The following CSMD1 variants were observed in gnomAD, a reference collection of about 807,000 sequenced individuals.
CSMD1 encodes CUB and sushi domain-containing protein 1.
CSMD1 carries 213 observed loss-of-function variants against 417.5 expected under a neutral mutation model. The ratio of observed to expected loss-of-function variants is 0.51; its 90% CI spans 0.46 to 0.57. The LOEUF is 0.57. CSMD1 is among the 20% of genes least tolerant of loss of function. The pLI is 0.00. For synonymous variants in CSMD1, 2,862 were observed against 1,736.8 expected, an observed-to-expected ratio of 1.65 and a Z score of -16.11; for missense variants, 6,923 against 4,529.7, an observed-to-expected ratio of 1.53 and a Z score of -15.17.
chr8:3,640,550 T>C (rs1563224359), intron 7 of CSMD1, among the ~76,000 whole-genome samples: 1 of 152,226 alleles, frequency 6.6e-6, no homozygotes, highest in Non-Finnish European at 1.5e-5. Flanking sequence ...CTCATTTTTT[T>C]CCACTGGATT....
intron 7 of CSMD1, among the ~76,000 whole-genome samples, chr8:3,697,605 C>T (rs1800626084): frequency 6.6e-6 from 1 of 152,012 alleles, no homozygotes; most frequent in African/African-American, 2.4e-5. Context: ...AGCAGTTCCC[C>T]CTTCTGACTG....
At chr8:4,203,685 G>C (rs979077781) in intron 3 of CSMD1, among the ~76,000 whole-genome samples, 1 of 151,564 alleles carries the variant, frequency 6.6e-6, no homozygotes, top group Non-Finnish European at 1.5e-5. Context: ...TTGTAAGTAG[G>C]GATCACACAC....
chr8:3,658,746 G>C (rs990465213), intron 7 of CSMD1, among the ~76,000 whole-genome samples: 1 of 152,108 alleles, frequency 6.6e-6, no homozygotes, highest in Admixed American at 6.5e-5. Flanking sequence ...TCGTGCCACT[G>C]AACTTCAGCC....
chr8:3,449,589 C>A (rs1364070759), intron 12 of CSMD1, among the ~76,000 whole-genome samples: 1 of 151,964 alleles, frequency 6.6e-6, no homozygotes, highest in East Asian at 1.9e-4. Flanking sequence ...ACAATATTGG[C>A]TCACTGCAAA....
chr8:4,941,766 T>C (rs1474613290), intron 1 of CSMD1, among the ~76,000 whole-genome samples: 2 of 152,046 alleles, frequency 1.3e-5, no homozygotes, highest in Non-Finnish European at 2.9e-5. Flanking sequence ...GCCCGACTGA[T>C]TTTCAATTCT....
intron 26 of CSMD1, among the ~76,000 whole-genome samples, chr8:3,271,965 T>A (rs908951739): frequency 6.6e-6 from 1 of 152,144 alleles, no homozygotes; most frequent in South Asian, 2.1e-4. Context: ...TTGGCTTTTG[T>A]TGCCTTTGCT....
In CSMD1 at chr8:4,420,059, C is replaced by A. The variant is rs747921329; in HGVS notation, c.309G>T (p.Ser103=). ...CTATAGAGGAGGGCAGCTGAAATCC[C>A]GATAATCTAAATTTAAAAGACAAGA... The part of the protein sequence containing the change: ...PQQGNLKVRL[S]GFQLPSSIVS... The change falls in exon 3 of 70, where the codon TCG becomes TCT. Residue 103 remains serine (S), a synonymous_variant. Transcript: ENST00000635120. 9.0e-6 allele frequency: 14 copies of A among 1,555,576 alleles called. No homozygotes were observed. The highest frequency in any genetic ancestry group is 1.4e-5 in the African/African-American group (1 of 73,212).
intron 1 of CSMD1, among the ~76,000 whole-genome samples, chr8:4,712,876 T>C (rs1808399590): frequency 1.3e-5 from 2 of 152,222 alleles, no homozygotes; most frequent in South Asian, 2.1e-4. Flanking sequence ...TAGACATCCA[T>C]GCCGATGGAT....
intron 1 of CSMD1, among the ~76,000 whole-genome samples, chr8:4,896,375 T>A (rs1402438639): frequency 6.6e-6 from 1 of 152,134 alleles, no homozygotes; most frequent in Non-Finnish European, 1.5e-5. Flanking sequence ...GCATTGCTTT[T>A]GCATTTTCAA....
chr8:4,744,791 T>G (rs768518795), intron 1 of CSMD1, among the ~76,000 whole-genome samples: 1 of 152,166 alleles, frequency 6.6e-6, no homozygotes, highest in Non-Finnish European at 1.5e-5. Context: ...AATTTCTTCA[T>G]TAACTTCCAA....
At chr8:3,010,926 C>G (rs1808337292) in intron 52 of CSMD1, among the ~76,000 whole-genome samples, 1 of 151,864 alleles carries the variant, frequency 6.6e-6, no homozygotes, top group African/African-American at 2.4e-5. Context: ...TGAGGTTTCA[C>G]TATGTTGGCC....
At chr8:4,483,575 C>A (rs145112247) in intron 2 of CSMD1, among the ~76,000 whole-genome samples, 2 of 152,068 alleles carry the variant, frequency 1.3e-5, no homozygotes, top group African/African-American at 2.4e-5. Flanking sequence ...ATATTGAAAT[C>A]AAATAGGTGA....
intron 5 of CSMD1, among the ~76,000 whole-genome samples, chr8:3,906,326 G>T (rs1220911614): frequency 2.0e-5 from 3 of 152,090 alleles, no homozygotes; most frequent in African/African-American, 7.2e-5. Context: ...TCAATTTGGT[G>T]TACTAATTCA....
chr8:4,131,829 C>A (rs1447682170), intron 3 of CSMD1, among the ~76,000 whole-genome samples: 2 of 128,768 alleles, frequency 1.6e-5, no homozygotes, highest in Non-Finnish European at 3.1e-5. Flanking sequence ...GTGGTGCGAT[C>A]CCGGCTCACT....
At chr8:4,191,279 C>T (rs187756660) in intron 3 of CSMD1, among the ~76,000 whole-genome samples, 1 of 151,860 alleles carries the variant, frequency 6.6e-6, no homozygotes, top group South Asian at 2.1e-4. Context: ...ACCTGTAGTC[C>T]CAGCTACTCG....
At chr8:4,848,403 G>A (rs1801269241) in intron 1 of CSMD1, among the ~76,000 whole-genome samples, 1 of 152,182 alleles carries the variant, frequency 6.6e-6, no homozygotes, top group African/African-American at 2.4e-5. Context: ...ATTCCTATGA[G>A]CTAGTAATGG....
chr8:4,220,815 G>C (rs558125217), intron 3 of CSMD1, among the ~76,000 whole-genome samples: 10 of 152,206 alleles, frequency 6.6e-5, no homozygotes, highest in African/African-American at 1.2e-4. Flanking sequence ...GCTCAGGTAA[G>C]ACACCATGGG....
intron 1 of CSMD1, among the ~76,000 whole-genome samples, chr8:4,880,994 G>GCCTTC (rs1445180921): frequency 6.6e-6 from 1 of 151,974 alleles, no homozygotes. Context: ...CAGTAATGAG[G>GCCTTC]CCTTTCCTTT....
At chr8:3,883,743 C>T (rs1037228473) in intron 5 of CSMD1, among the ~76,000 whole-genome samples, 2 of 151,992 alleles carry the variant, frequency 1.3e-5, no homozygotes, top group African/African-American at 4.8e-5. Flanking sequence ...ATTGAAACAA[C>T]TGAAACCAGT....
Sources: allele counts gnomAD v4.1 joint callset (sites outside exome capture counted in the v4.1 genomes callset), GRCh38; gene constraint gnomAD v4.1.1; transcripts MANE v1.5; gene names NCBI Gene and HGNC (gene_info 2026-07-23, HGNC 2026-07-21).